The following CTNNBIP1 variants were observed in gnomAD, a reference collection of about 807,000 sequenced individuals.
CTNNBIP1 encodes the protein catenin beta interacting protein 1, also known as beta-catenin-interacting protein 1.
Under a neutral mutation model 11.8 loss-of-function variants are expected in CTNNBIP1, and 7 were observed. That is an observed-to-expected ratio of 0.60 (90% CI 0.34 to 1.12). CTNNBIP1 has a LOEUF of 1.12. Ranked by LOEUF, CTNNBIP1 falls within the 50% of genes most tolerant of loss-of-function variation. The pLI, the probability that CTNNBIP1 is intolerant of heterozygous loss-of-function variation, is 0.03. For missense variants in CTNNBIP1, 101 were observed against 113.4 expected (o/e 0.89, Z 0.50); for synonymous variants, 58 against 43.9 (o/e 1.32, Z -1.26).
In CTNNBIP1 at chr1:9,869,630, C is replaced by T. The variant is rs114485672; in HGVS notation, c.187+1557G>A. 5.8e-3 allele frequency among the ~76,000 whole-genome samples: 880 copies of T among 152,282 alleles called. 4 individuals carry two copies. The highest frequency in any genetic ancestry group is 9.1e-3 in the Non-Finnish European group (616 of 68,022). ...GTGAGCCACCGTACCCGGCCTGTTG[C>T]TGCTTTTTATACTGACATATGGTCC... On this transcript the variant is annotated intron_variant, in intron 5 of 5. Transcript: ENST00000377263.
intron 5 of CTNNBIP1, among the ~76,000 whole-genome samples, chr1:9,855,868 C>T (rs893777241): frequency 6.6e-6 from 1 of 152,036 alleles, no homozygotes. Flanking sequence ...GCTGGGACCA[C>T]AGGCCCACAC....
intron 1 of CTNNBIP1, among the ~76,000 whole-genome samples, chr1:9,906,250 A>G (rs2101551380): frequency 6.6e-6 from 1 of 152,290 alleles, no homozygotes; most frequent in African/African-American, 2.4e-5. Context: ...TACAAAGTCC[A>G]TGGTCTAATT....
At chr1:9,855,791 A>G (rs1638489743) in intron 5 of CTNNBIP1, among the ~76,000 whole-genome samples, 2 of 150,822 alleles carry the variant, frequency 1.3e-5, no homozygotes, top group Admixed American at 1.3e-4. Context: ...GCAGTGGTAC[A>G]ATCAGCACTC....
In CTNNBIP1 at chr1:9,871,888, C is replaced by A; in HGVS notation, c.96+81G>T. 7.9e-7 allele frequency: 1 copy of A among 1,271,876 alleles called. No individual in the cohort carries two copies. Among genetic ancestry groups the A allele is most frequent in the Non-Finnish European group, 1.1e-6 (1 of 876,176 alleles). The allele number at this position is 1,271,876 out of a possible 1,614,324, so 78.8% of individuals were successfully genotyped here. On this transcript the variant is annotated intron_variant, in intron 4 of 5. Transcript: ENST00000377263. The surrounding 1 kb of genome is among the most constrained non-coding windows in gnomAD (Gnocchi z 5.2). The stretch of plus-strand genomic sequence containing the variant: ...CCGCAGGAGGCAGCCGCAGTGGCTC[C>A]ACCCTCCAATAGCCCAGCAGGGCCC...
chr1:9,890,614 C>G (rs529595067), intron 1 of CTNNBIP1, among the ~76,000 whole-genome samples: 2 of 152,076 alleles, frequency 1.3e-5, no homozygotes, highest in East Asian at 1.9e-4. Context: ...GAATCCAGAG[C>G]CTTCTTCTAT....
At chr1:9,853,264 G>A (rs1189048456) in intron 5 of CTNNBIP1, among the ~76,000 whole-genome samples, 1 of 152,198 alleles carries the variant, frequency 6.6e-6, no homozygotes, top group Non-Finnish European at 1.5e-5. Flanking sequence ...GAAAGAGAAG[G>A]CAGGCTCTCA....
chr1:9,885,472 C>T (rs185594759), intron 1 of CTNNBIP1, among the ~76,000 whole-genome samples: 4 of 151,942 alleles, frequency 2.6e-5, no homozygotes, highest in East Asian at 1.9e-4. Flanking sequence ...AATGAGACTC[C>T]GTCTCTACAA....
At chr1:9,879,190 C>T (rs972856230) in intron 2 of CTNNBIP1, among the ~76,000 whole-genome samples, 8 of 144,314 alleles carry the variant, frequency 5.5e-5, no homozygotes, top group Non-Finnish European at 1.2e-4. Flanking sequence ...GTGTGAGACT[C>T]CATCTCAAAA....
At chr1:9,881,263 G>A (rs2101504511) in intron 2 of CTNNBIP1, among the ~76,000 whole-genome samples, 1 of 150,686 alleles carries the variant, frequency 6.6e-6, no homozygotes, top group Admixed American at 6.6e-5. Flanking sequence ...TTGAACTCCT[G>A]GGCTCAAGCA....
intron 3 of CTNNBIP1, among the ~76,000 whole-genome samples, chr1:9,875,869 G>A (rs569021237): frequency 1.3e-5 from 2 of 152,314 alleles, no homozygotes; most frequent in South Asian, 4.1e-4. Flanking sequence ...CAGTAAGGGT[G>A]TCAGTGTGGA....
In CTNNBIP1 at chr1:9,871,139, GC is replaced by G. The variant is rs759461228; in HGVS notation, c.187+47del. 12 of 1,381,176 alleles carry G rather than the reference GC, an allele frequency of 8.7e-6. No individual in the cohort carries two copies. In the South Asian group the frequency reaches 1.4e-4, roughly 16 times the overall value. 85.6% of individuals were successfully genotyped at this position (1,381,176 alleles called of 1,614,324 possible). A position where few individuals can be genotyped will look rare whatever the true frequency, so the allele number is the denominator to read the frequency against. ...CTTTCTAAGGGAACCACAAGTCGGT[GC>G]CCCTGGGACTTGTGCCACTGCCCCA... On this transcript the variant is annotated intron_variant, in intron 5 of 5. Transcript: ENST00000377263. The surrounding 1 kb of genome is among the most constrained non-coding windows in gnomAD (Gnocchi z 5.2).
chr1:9,879,847 A>G (rs1570581607), intron 2 of CTNNBIP1, among the ~76,000 whole-genome samples: 1 of 152,216 alleles, frequency 6.6e-6, no homozygotes, highest in African/African-American at 2.4e-5. Flanking sequence ...ACTTCCAGGG[A>G]AGGGGTCAAA....
intron 1 of CTNNBIP1, among the ~76,000 whole-genome samples, chr1:9,888,215 G>A (rs912928568): frequency 2.0e-5 from 3 of 152,016 alleles, no homozygotes; most frequent in African/African-American, 7.2e-5. Context: ...AGTATCACTT[G>A]AGGCCAGGAG....
intron 1 of CTNNBIP1, among the ~76,000 whole-genome samples, chr1:9,895,449 C>A (rs1639390527): frequency 6.6e-6 from 1 of 151,532 alleles, no homozygotes; most frequent in Non-Finnish European, 1.5e-5. Flanking sequence ...CCGCCCGCCT[C>A]AGCCTCCCAA....
At chr1:9,855,431 G>A (rs1036695439) in intron 5 of CTNNBIP1, among the ~76,000 whole-genome samples, 1 of 151,948 alleles carries the variant, frequency 6.6e-6, no homozygotes, top group African/African-American at 2.4e-5. Context: ...ACTGGCATAA[G>A]GACAGACATA....
chr1:9,895,485 A>G (rs1639391063), intron 1 of CTNNBIP1, among the ~76,000 whole-genome samples: 2 of 151,710 alleles, frequency 1.3e-5, no homozygotes, highest in South Asian at 4.2e-4. Flanking sequence ...GGCGTGAGCC[A>G]CCATGCCTAG....
chr1:9,870,539 T>C (rs1638839608), intron 5 of CTNNBIP1, among the ~76,000 whole-genome samples: 2 of 152,184 alleles, frequency 1.3e-5, no homozygotes, highest in African/African-American at 4.8e-5. Flanking sequence ...CCCAGTTTCC[T>C]TGCCTGTTAA....
intron 5 of CTNNBIP1, among the ~76,000 whole-genome samples, chr1:9,869,030 C>T (rs1290898881): frequency 6.6e-6 from 1 of 150,460 alleles, no homozygotes; most frequent in African/African-American, 2.4e-5. Context: ...GACAGAGTCT[C>T]CCTCTGTTGC....
intron 5 of CTNNBIP1, among the ~76,000 whole-genome samples, chr1:9,869,352 G>C (rs1638810976): frequency 6.6e-6 from 1 of 151,788 alleles, no homozygotes; most frequent in African/African-American, 2.4e-5. Flanking sequence ...GTGTATGTGT[G>C]TTGTTGCTGG....
Sources: gnomAD v4.1 joint callset for allele counts (sites outside exome capture counted in the v4.1 genomes callset) on GRCh38, gnomAD v4.1.1 for gene constraint, Gnocchi (gnomAD v3.1) non-coding constraint, MANE v1.5 for transcripts, NCBI Gene and HGNC (gene_info 2026-07-23, HGNC 2026-07-21) for gene names.